Variants in TMLHE observed in about 807,000 individuals in gnomAD.
TMLHE encodes trimethyllysine hydroxylase, epsilon, also known as trimethyllysine dioxygenase, mitochondrial.
Under a neutral mutation model 25.7 loss-of-function variants are expected in TMLHE, and 18 were observed. That is an observed-to-expected ratio of 0.70 (90% CI 0.48 to 1.04). The LOEUF (loss-of-function observed/expected upper bound fraction) is 1.04, where lower values mean the gene tolerates loss of function less well. Ranked by LOEUF, TMLHE falls within the 50% of genes least tolerant of loss-of-function variation. The probability of loss-of-function intolerance (pLI) is 0.00; values close to 1 mark genes in which losing one functional copy is unlikely to be tolerated. For missense variants in TMLHE, 236 were observed against 259.0 expected (o/e 0.91, Z 0.61); for synonymous variants, 105 against 97.0 (o/e 1.08, Z -0.49).
At chrX:155,587,796 G>A (rs1442084362) in intron 1 of TMLHE, among the ~76,000 whole-genome samples, 2 of 111,693 alleles carry the variant, frequency 1.8e-5, no homozygotes, top group Non-Finnish European at 3.8e-5. Flanking sequence ...AAATTTAATC[G>A]AGGTGAAAAA....
chrX:155,584,385 A>G (rs1015829738), intron 1 of TMLHE, among the ~76,000 whole-genome samples: 1 of 111,279 alleles, frequency 9.0e-6, no homozygotes, highest in Admixed American at 9.6e-5. Flanking sequence ...AAGTGATCAA[A>G]TCTTTGAATT....
intron 2 of TMLHE, among the ~76,000 whole-genome samples, chrX:155,542,842 T>C (rs2067320716): frequency 9.0e-6 from 1 of 110,917 alleles, no homozygotes; most frequent in African/African-American, 3.3e-5. Flanking sequence ...TTCTCCCCAC[T>C]AGGCTGCCTT....
chrX:155,610,246 A>G (rs1188859078), intron 1 of TMLHE, among the ~76,000 whole-genome samples: 1 of 112,331 alleles, frequency 8.9e-6, no homozygotes, highest in Non-Finnish European at 1.9e-5. Context: ...ACATTAATAA[A>G]CTTTGGAGAC....
At chrX:155,535,780 A>G (rs1336625603) in intron 2 of TMLHE, among the ~76,000 whole-genome samples, 3 of 111,868 alleles carry the variant, frequency 2.7e-5, no homozygotes, top group Admixed American at 9.5e-5. Flanking sequence ...ACTCTTTCCA[A>G]TGAAATTTAG....
At chrX:155,504,717 A>T (rs2067066800) in intron 6 of TMLHE, among the ~76,000 whole-genome samples, 1 of 111,329 alleles carries the variant, frequency 9.0e-6, no homozygotes, top group Non-Finnish European at 1.9e-5. Context: ...AAAACATATT[A>T]AAAAAAACAC....
chrX:155,595,688 T>A (rs2067716824), intron 1 of TMLHE, among the ~76,000 whole-genome samples: 1 of 112,267 alleles, frequency 8.9e-6, no homozygotes, highest in South Asian at 3.7e-4. Context: ...AAATACCTTT[T>A]TATCTCATTT....
chrX:155,606,758 G>T (rs782753730), intron 1 of TMLHE, among the ~76,000 whole-genome samples: 1 of 69,053 alleles, frequency 1.4e-5, no homozygotes, highest in East Asian at 5.1e-4. Context: ...ACCAAAAACA[G>T]AAATGATAAA....
At chrX:155,558,012 A>G (rs1261674511) in intron 1 of TMLHE, among the ~76,000 whole-genome samples, 1 of 111,675 alleles carries the variant, frequency 9.0e-6, no homozygotes, top group African/African-American at 3.3e-5. Flanking sequence ...CTTTTTGCAC[A>G]TGGTAGGAAG....
chrX:155,549,155 G>C (rs1777199708), intron 1 of TMLHE, among the ~76,000 whole-genome samples: 1 of 111,139 alleles, frequency 9.0e-6, no homozygotes, highest in Non-Finnish European at 1.9e-5. Flanking sequence ...AAATTTCTCA[G>C]CATTTTCTAT....
At chrX:155,559,359 T>A (rs1451567444) in intron 1 of TMLHE, among the ~76,000 whole-genome samples, 1 of 111,258 alleles carries the variant, frequency 9.0e-6, no homozygotes, top group Non-Finnish European at 1.9e-5. Flanking sequence ...TTTTCCTATT[T>A]CTTATATATT....
At chrX:155,582,717 G>C (rs2067638349) in intron 1 of TMLHE, among the ~76,000 whole-genome samples, 1 of 112,145 alleles carries the variant, frequency 8.9e-6, no homozygotes, top group Non-Finnish European at 1.9e-5. Context: ...GTTTTACATT[G>C]TTGGTGGGAC....
chrX:155,560,416 T>C (rs2067487506), intron 1 of TMLHE, among the ~76,000 whole-genome samples: 1 of 109,788 alleles, frequency 9.1e-6, no homozygotes, highest in Admixed American at 9.9e-5. Flanking sequence ...CTTTCAAGTT[T>C]ATCTTCTAGT....
At chrX:155,581,202 C>T (rs1303965278) in intron 1 of TMLHE, among the ~76,000 whole-genome samples, 4 of 111,351 alleles carry the variant, frequency 3.6e-5, no homozygotes, top group African/African-American at 1.3e-4. Flanking sequence ...TTATGACAAA[C>T]CCACAGCCAA....
At chrX:155,515,583 T>A (rs1557334702) in intron 3 of TMLHE, among the ~76,000 whole-genome samples, 1 of 111,836 alleles carries the variant, frequency 8.9e-6, no homozygotes. Flanking sequence ...AGTCTACTTA[T>A]CTTCATTCCC....
At position 155,583,951 on chromosome X, in the gene TMLHE, T is replaced by C. The variant is rs782692845; in HGVS notation, c.-2+28841A>G. 4.5e-5 allele frequency among the ~76,000 whole-genome samples: 5 copies of C among 111,173 alleles called. No individual in the cohort carries two copies. In the East Asian group the frequency reaches 8.5e-4, roughly 19 times the overall value. On this transcript the variant is annotated intron_variant, in intron 1 of 7. Coordinates refer to ENST00000334398, the MANE Select transcript of TMLHE (RefSeq NM_018196.4). The stretch of plus-strand genomic sequence containing the variant: ...ACTACACTTGTACCTCATATATTTA[T>C]ACAAATAAAAAGAGGAAAAGAAAAA...
chrX:155,548,552 G>A (rs1037158635), intron 1 of TMLHE, among the ~76,000 whole-genome samples: 1 of 107,179 alleles, frequency 9.3e-6, no homozygotes, highest in African/African-American at 3.6e-5. Context: ...TGACTAACAT[G>A]GTGAAACCCT....
In TMLHE at chrX:155,550,953, G is replaced by A. The variant is rs983930700; in HGVS notation, c.-1-5676C>T. ...TAACCCCAAAAGAAAAGAAAAATGG[G>A]ACCAAAGATATTTTTACTTTTAGTA... On this transcript the variant is annotated intron_variant, in intron 1 of 7. Coordinates refer to ENST00000334398, the MANE Select transcript of TMLHE (RefSeq NM_018196.4). 1.4e-4 allele frequency among the ~76,000 whole-genome samples: 16 copies of A among 110,616 alleles called. No individual in the cohort carries two copies. The East Asian group carries it at 4.2e-3, about 29-fold the overall frequency.
rs782076905 is a variant in TMLHE, at chrX:155,597,636, T to G, written c.-2+15156A>C. Among the ~76,000 whole-genome samples the G allele has an allele frequency of 2.7e-5, 3 of 111,576 alleles. No homozygotes were observed. In the East Asian group the frequency reaches 8.4e-4, roughly 31 times the overall value. ...GACAGGCTTAGTGTTTCTTAAGCATTTTTTTACCTAAGCTAATACAAGTTG... is the reference window on the plus strand; with the variant it reads ...GACAGGCTTAGTGTTTCTTAAGCATGTTTTTACCTAAGCTAATACAAGTTG... On this transcript the variant is annotated intron_variant, in intron 1 of 7. Transcript: ENST00000334398.
Position 155,555,127 on chromosome X carries a change from C to T in TMLHE, c.-1-9850G>A, listed in dbSNP as rs782126558. Among the ~76,000 whole-genome samples, 16 of 109,724 alleles carry T rather than the reference C, an allele frequency of 1.5e-4. 1 individual carries two copies. The highest frequency in any genetic ancestry group is 4.0e-4 in the African/African-American group (12 of 29,976). On this transcript the variant is annotated intron_variant, in intron 1 of 7. Transcript: ENST00000334398. ...ATTCCCACCTATGAGTGAGAACATG[C>T]GGTGTTGGTTTTCTGTCCTTTTGAT...
Sources: allele counts gnomAD v4.1 joint callset (sites outside exome capture counted in the v4.1 genomes callset), GRCh38; gene constraint gnomAD v4.1.1; transcripts MANE v1.5; gene names NCBI Gene and HGNC (gene_info 2026-07-23, HGNC 2026-07-21).